The following MARCO variants were observed in gnomAD, a reference collection of about 807,000 sequenced individuals.
MARCO encodes macrophage receptor MARCO.
In MARCO, 72 loss-of-function variants were observed where a neutral mutation model predicts 70.0. The ratio of observed to expected loss-of-function variants is 1.03; its 90% CI spans 0.85 to 1.25. MARCO has a LOEUF of 1.25. Among genes scored for constraint, MARCO ranks in the 50% most tolerant of loss-of-function variants. MARCO has a pLI of 0.00. For synonymous variants in MARCO, 273 were observed against 243.1 expected (o/e 1.12, Z -1.14); for missense variants, 696 against 659.3 (o/e 1.06, Z -0.61).
chr2:118,956,367 T>G (rs1036068242), intron 1 of MARCO, among the ~76,000 whole-genome samples: 5 of 152,118 alleles, frequency 3.3e-5, no homozygotes, highest in African/African-American at 1.2e-4. Context: ...AAAACAATCT[T>G]TAAAGTAACA....
chr2:118,985,360 T>C (rs529230103), intron 12 of MARCO, among the ~76,000 whole-genome samples: 1 of 152,182 alleles, frequency 6.6e-6, no homozygotes, highest in East Asian at 1.9e-4. Flanking sequence ...CCTGGCTTGG[T>C]CACCAAGCCT....
At chr2:118,992,634 C>T (rs1299647763) in intron 15 of MARCO, among the ~76,000 whole-genome samples, 158 bp downstream of exon 15, 1 of 152,008 alleles carries the variant, frequency 6.6e-6, no homozygotes, top group Non-Finnish European at 1.5e-5. Context: ...GCCCACGGCA[C>T]AGAGCAGCAG....
chr2:118,952,349 G>A (rs910740189), intron 1 of MARCO, among the ~76,000 whole-genome samples: 14 of 152,082 alleles, frequency 9.2e-5, no homozygotes, highest in South Asian at 2.1e-4. Flanking sequence ...CTCTCTGGCC[G>A]CTCCCCCAAG....
chr2:118,960,756 C>T (rs1679927651), intron 1 of MARCO, among the ~76,000 whole-genome samples: 1 of 151,730 alleles, frequency 6.6e-6, no homozygotes, highest in Admixed American at 6.6e-5. Flanking sequence ...TTTTAAGTTC[C>T]AGAGTACATG....
chr2:118,985,438 A>C lies in MARCO; in HGVS notation c.1063+3028A>C, dbSNP rs1558670971. 1.3e-5 allele frequency among the ~76,000 whole-genome samples: 2 copies of C among 152,264 alleles called. 1 individual carries two copies. Among genetic ancestry groups the C allele is most frequent in the South Asian group, 4.1e-4 (2 of 4,820 alleles). Reference sequence around the variant, plus strand: ...AGGTGAAATGCTTCCTCTTGTTTGCATCTCTTGAGAGAGGAGCCAGCTCAT... The same window carrying C: ...AGGTGAAATGCTTCCTCTTGTTTGCCTCTCTTGAGAGAGGAGCCAGCTCAT... On this transcript the variant is annotated intron_variant, in intron 12 of 16. Coordinates refer to ENST00000327097, the MANE Select transcript of MARCO (RefSeq NM_006770.4).
In MARCO at chr2:118,983,149, C is replaced by T. The variant is rs1432190182; in HGVS notation, c.1063+739C>T. On this transcript the variant is annotated intron_variant, in intron 12 of 16. Transcript: ENST00000327097. Reference sequence around the variant, plus strand: ...GGCATTTCTGTGGAGAACTGTTGCACATTGGAAAGCCAAGAGCGGGCAGGA... The same window carrying T: ...GGCATTTCTGTGGAGAACTGTTGCATATTGGAAAGCCAAGAGCGGGCAGGA... 3.9e-5 allele frequency among the ~76,000 whole-genome samples: 6 copies of T among 152,184 alleles called. 1 individual carries two copies. Among genetic ancestry groups the T allele is most frequent in the African/African-American group, 1.4e-4 (6 of 41,446 alleles).
intron 12 of MARCO, among the ~76,000 whole-genome samples, chr2:118,983,431 T>G (rs1378261807): frequency 1.3e-5 from 2 of 152,202 alleles, no homozygotes; most frequent in African/African-American, 4.8e-5. Flanking sequence ...TGTGTTTCTT[T>G]GAAAGCTGTC....
At position 118,970,345 on chromosome 2, in the gene MARCO, C is replaced by T; in HGVS notation, c.424+7C>T. 6.2e-7 allele frequency: 1 copy of T among 1,601,734 alleles called. No homozygotes were observed. Among genetic ancestry groups the T allele is most frequent in the South Asian group, 1.1e-5 (1 of 89,860 alleles). On this transcript the variant is annotated splice_region_variant and intron_variant, in intron 3 of 16. Transcript: ENST00000327097. ...AACTTCACTCAGAACCCAGGTTTGGCCTCCTCCCCTCTGGGTCAGGACTTC... is the reference window on the plus strand; with the variant it reads ...AACTTCACTCAGAACCCAGGTTTGGTCTCCTCCCCTCTGGGTCAGGACTTC...
intron 1 of MARCO, among the ~76,000 whole-genome samples, chr2:118,948,073 C>T (rs1162788720): frequency 6.6e-6 from 1 of 152,106 alleles, no homozygotes; most frequent in African/African-American, 2.4e-5. Flanking sequence ...CTAAATATTC[C>T]ATTTTCTTTG....
At position 118,986,729 on chromosome 2, in the gene MARCO, A is replaced by AGAAAGG. The variant is rs1558672050; in HGVS notation, c.1064-3855_1064-3854insGGAAAG. On this transcript the variant is annotated intron_variant, in intron 12 of 16. Coordinates refer to ENST00000327097, the MANE Select transcript of MARCO (RefSeq NM_006770.4). ...AGAAAGAAAGAAAGAAAGAAAAGAA[A>AGAAAGG]GAAAGAAAGAGAAAGAAAGAGAAAG... 6.3e-4 allele frequency among the ~76,000 whole-genome samples: 80 copies of AGAAAGG among 126,254 alleles called. 4 individuals carry two copies. The highest frequency in any genetic ancestry group is 2.6e-3 in the African/African-American group (74 of 28,288). The allele number at this position is 126,254 out of a possible 152,430, so 82.8% of individuals were successfully genotyped here.
intron 1 of MARCO, among the ~76,000 whole-genome samples, chr2:118,959,433 A>G (rs1315464446): frequency 6.6e-6 from 1 of 152,200 alleles, no homozygotes; most frequent in Non-Finnish European, 1.5e-5. Flanking sequence ...CCACAGTGTG[A>G]TACTACCTTA....
rs201598916 is a variant in MARCO, at chr2:118,981,522, G to T, written c.865+15G>T. 1,760 of 1,601,466 alleles carry T rather than the reference G, an allele frequency of 1.1e-3. 1 individual carries two copies. Among genetic ancestry groups the T allele is most frequent in the Middle Eastern group, 2.2e-3 (13 of 6,012 alleles). ...AGGCCCACCAGGTAAGAGGGCACGT[G>T]GTCACATCCACTGACCTCTAGGTAT... On this transcript the variant is annotated intron_variant, in intron 9 of 16. Transcript: ENST00000327097.
chr2:118,990,841 C>A (rs554355889), intron 13 of MARCO, among the ~76,000 whole-genome samples: 2 of 151,978 alleles, frequency 1.3e-5, no homozygotes, highest in Non-Finnish European at 2.9e-5. Flanking sequence ...AGGGGTGTAG[C>A]GTATGGGGCA....
chr2:118,986,659 AGG>A (rs1680503028), intron 12 of MARCO, among the ~76,000 whole-genome samples: 2 of 49,550 alleles, frequency 4.0e-5, no homozygotes, highest in Non-Finnish European at 7.1e-5. Context: ...GAAAGAAGGA[AGG>A]AAGGAAGGAA....
chr2:118,981,231 T>C (rs1680381911), intron 8 of MARCO, among the ~76,000 whole-genome samples, 178 bp from the exon 9 acceptor site: 2 of 152,104 alleles, frequency 1.3e-5, no homozygotes, highest in Non-Finnish European at 2.9e-5. Flanking sequence ...TTCTTGTCTC[T>C]GGGGCAAAGC....
At chr2:118,970,047 C>A in intron 2 of MARCO, 67 bp from the exon 3 acceptor site, 1 of 1,351,444 alleles carries the variant, frequency 7.4e-7, no homozygotes, top group Non-Finnish European at 1.1e-6. Context: ...GCACACATGA[C>A]ACAAGAATGT....
intron 12 of MARCO, among the ~76,000 whole-genome samples, chr2:118,987,528 A>G (rs578074936): frequency 3.7e-4 from 56 of 152,324 alleles, no homozygotes; most frequent in African/African-American, 1.3e-3. Context: ...AACCTCTGCT[A>G]TAGGAACTGT....
chr2:118,951,525 C>G (rs1179300749), intron 1 of MARCO, among the ~76,000 whole-genome samples: 1 of 152,242 alleles, frequency 6.6e-6, no homozygotes, highest in Non-Finnish European at 1.5e-5. Flanking sequence ...ACTTTGCTCT[C>G]TTAGCAAAGC....
chr2:118,966,352 A>G (rs1680047169), intron 1 of MARCO, among the ~76,000 whole-genome samples: 2 of 152,140 alleles, frequency 1.3e-5, no homozygotes, highest in Admixed American at 6.5e-5. Context: ...CTCTCATGTC[A>G]AGCAGCTCTT....
Sources: gnomAD v4.1 joint callset for allele counts (sites outside exome capture counted in the v4.1 genomes callset) on GRCh38, gnomAD v4.1.1 for gene constraint, MANE v1.5 for transcripts, NCBI Gene and HGNC (gene_info 2026-07-23, HGNC 2026-07-21) for gene names.